NTRK1: variants seen among roughly 807,000 people sequenced by gnomAD.
The protein encoded by NTRK1 is neurotrophic receptor tyrosine kinase 1, also known as high affinity nerve growth factor receptor.
In NTRK1, 62 loss-of-function variants were observed where a neutral mutation model predicts 86.8. That is an observed-to-expected ratio of 0.71 (90% confidence interval 0.58 to 0.88). The LOEUF (loss-of-function observed/expected upper bound fraction) is 0.88. NTRK1 is among the 40% of genes least tolerant of loss of function. The pLI, the probability that NTRK1 is intolerant of heterozygous loss-of-function variation, is 0.00. For missense variants in NTRK1, 967 were observed against 1,078.4 expected (o/e 0.90, Z 1.45); for synonymous variants, 469 against 456.6 (o/e 1.03, Z -0.35).
At chr1:156,868,780 A>G (rs1056437069) in intron 6 of NTRK1, 133 bp downstream of exon 6, 1 of 1,376,808 alleles carries the variant, frequency 7.3e-7, no homozygotes, top group Non-Finnish European at 9.9e-7. Context: ...GGACGGACAG[A>G]GATGGTTTAG....
chr1:156,818,043 C>G (rs1038582683), intron 1 of NTRK1, among the ~76,000 whole-genome samples: 8 of 152,186 alleles, frequency 5.3e-5, no homozygotes, highest in Non-Finnish European at 1.0e-4. Flanking sequence ...AAGAAGGGGA[C>G]AGGAACATTA....
At chr1:156,817,683 C>T (rs1654047434) in intron 1 of NTRK1, among the ~76,000 whole-genome samples, 1 of 149,318 alleles carries the variant, frequency 6.7e-6, no homozygotes, top group Non-Finnish European at 1.5e-5. Flanking sequence ...AGCTCTGTCA[C>T]CCAGGCTGGA....
chr1:156,829,292 G>A (rs1194300262), intron 1 of NTRK1, among the ~76,000 whole-genome samples: 1 of 152,164 alleles, frequency 6.6e-6, no homozygotes, highest in Non-Finnish European at 1.5e-5. Context: ...GACAGTGGGT[G>A]CCACCACCTA....
chr1:156,865,801 G>C (rs188028393), intron 3 of NTRK1, among the ~76,000 whole-genome samples: 1 of 152,184 alleles, frequency 6.6e-6, no homozygotes, highest in Non-Finnish European at 1.5e-5. Flanking sequence ...CCCAATATGA[G>C]CAGGCAGAGA....
At chr1:156,849,210 G>A (rs1655118372) in intron 2 of NTRK1, 2 of 1,609,026 alleles carry the variant, frequency 1.2e-6, no homozygotes, top group Non-Finnish European at 1.7e-6. Context: ...CTAGTGTGTG[G>A]CCGCGTGTCC....
chr1:156,857,165 G>GTA (rs1655436496), upstream of NTRK1, among the ~76,000 whole-genome samples: 1 of 30,318 alleles, frequency 3.3e-5, no homozygotes, highest in Non-Finnish European at 6.8e-5. Flanking sequence ...AGCTGTGTAT[G>GTA]TGTGTGTGTG....
upstream of NTRK1, among the ~76,000 whole-genome samples, chr1:156,857,297 A>C (rs1031780818): frequency 2.0e-5 from 3 of 152,124 alleles, no homozygotes; most frequent in South Asian, 2.1e-4. Context: ...GGCAAAAGCC[A>C]ATCAGGCTCT....
chr1:156,858,470 C>A, upstream of NTRK1: 1 of 1,208,168 alleles, frequency 8.3e-7, no homozygotes, highest in Non-Finnish European at 1.2e-6. Flanking sequence ...GCTGCAAGCT[C>A]AGTTTTTTGG....
At chr1:156,846,247 G>T in intron 2 of NTRK1, 1 of 1,026,990 alleles carries the variant, frequency 9.7e-7, no homozygotes, top group Non-Finnish European at 1.4e-6. Context: ...CTCACCCCTG[G>T]CTTCCTAGAA....
At position 156,851,654 on chromosome 1, in the gene NTRK1, C is replaced by T. The variant is rs969313734; in HGVS notation, c.50+9461C>T. The T allele has an allele frequency of 5.0e-6, 8 of 1,614,000 alleles. No homozygotes were observed. Among genetic ancestry groups the T allele is most frequent in the African/African-American group, 1.3e-5 (1 of 74,892 alleles). Reference sequence around the variant, plus strand: ...CCAAAGTAGGTACTGACAGCCCTGGCGAAGGTTGAGGATGAGGCTTCCCTC... The same window carrying T: ...CCAAAGTAGGTACTGACAGCCCTGGTGAAGGTTGAGGATGAGGCTTCCCTC... On this transcript the variant is annotated intron_variant, in intron 2 of 16. Coordinates refer to the NTRK1 transcript ENST00000392302.
intron 1 of NTRK1, chr1:156,816,273 A>T (rs1653921770): frequency 3.5e-6 from 2 of 578,314 alleles, no homozygotes; most frequent in Admixed American, 1.3e-4. Flanking sequence ...CCAAGGCGGC[A>T]TGGGGGGCTA....
intron 1 of NTRK1, among the ~76,000 whole-genome samples, chr1:156,824,816 C>T (rs1165034654): frequency 6.6e-6 from 1 of 152,214 alleles, no homozygotes; most frequent in Non-Finnish European, 1.5e-5. Context: ...GTGATTCCAA[C>T]ACCACTGGAC....
At chr1:156,860,765 G>A, upstream of NTRK1, 1 of 1,245,646 alleles carries the variant, frequency 8.0e-7, no homozygotes, top group Non-Finnish European at 1.0e-6. Context: ...AGAGTAGGAA[G>A]CGGGTGGAGA....
intron 2 of NTRK1, chr1:156,844,462 C>T (rs1413731013): frequency 6.2e-7 from 1 of 1,612,904 alleles, no homozygotes; most frequent in Non-Finnish European, 8.5e-7. Context: ...CTGTGTATAC[C>T]TGGGCCAAGG....
intron 1 of NTRK1, among the ~76,000 whole-genome samples, chr1:156,821,074 T>TTTGC (rs1395143577): frequency 6.6e-6 from 1 of 152,160 alleles, no homozygotes; most frequent in Non-Finnish European, 1.5e-5. Context: ...AAGTTTTTTG[T>TTTGC]TTGTTTGTTT....
At chr1:156,873,992 C>G (rs920516854) in intron 8 of NTRK1, 33 bp downstream of exon 8, 1 of 1,542,538 alleles carries the variant, frequency 6.5e-7, no homozygotes, top group Non-Finnish European at 8.8e-7. Flanking sequence ...TGCCCCCACT[C>G]CTGGGCTCCT....
chr1:156,850,721 C>T (rs1246337991), intron 2 of NTRK1, among the ~76,000 whole-genome samples: 1 of 149,474 alleles, frequency 6.7e-6, no homozygotes, highest in Non-Finnish European at 1.5e-5. Flanking sequence ...TGCCCATCTA[C>T]TTTTTTTGTA....
chr1:156,821,453 C>CTG (rs59579534), intron 1 of NTRK1, among the ~76,000 whole-genome samples: 7,208 of 137,920 alleles, frequency 0.052, 226 homozygotes, highest in East Asian at 0.14. Flanking sequence ...CTAATTTAGC[C>CTG]TGTGTGTGTG....
chr1:156,858,568 G>A (rs756016646), upstream of NTRK1: 30 of 1,613,962 alleles, frequency 1.9e-5, no homozygotes, highest in South Asian at 3.2e-4. Context: ...ATCCCAAGGA[G>A]AGGAAGATCA....
Sources: allele counts gnomAD v4.1 joint callset (sites outside exome capture counted in the v4.1 genomes callset), GRCh38; gene constraint gnomAD v4.1.1; transcripts MANE v1.5; gene names NCBI Gene and HGNC (gene_info 2026-07-23, HGNC 2026-07-21).